ELFN2: variants seen among roughly 807,000 people sequenced by gnomAD.
The protein encoded by ELFN2 is protein phosphatase 1 regulatory subunit 29.
Under a neutral mutation model 45.5 loss-of-function variants are expected in ELFN2, and 17 were observed. The observed-to-expected ratio is 0.37, with a 90% CI of 0.26 to 0.56. The LOEUF (loss-of-function observed/expected upper bound fraction) is 0.56. ELFN2 is among the 20% of genes least tolerant of loss of function. The pLI is 0.77. For missense variants in ELFN2, 922 were observed against 1,183.2 expected, an observed-to-expected ratio of 0.78 and a Z score of 3.24; for synonymous variants, 550 against 551.5, an observed-to-expected ratio of 1.00 and a Z score of 0.04.
intron 2 of ELFN2, among the ~76,000 whole-genome samples, chr22:37,388,493 G>C (rs956397957): frequency 6.6e-6 from 1 of 152,182 alleles, no homozygotes; most frequent in East Asian, 1.9e-4. Flanking sequence ...GGAAATCGAG[G>C]CTCCAAGTAA....
At chr22:37,391,860 CCT>C (rs945711758) in intron 2 of ELFN2, among the ~76,000 whole-genome samples, 1 of 152,230 alleles carries the variant, frequency 6.6e-6, no homozygotes, top group African/African-American at 2.4e-5. Flanking sequence ...GGTCCCACAT[CCT>C]CTGAGACTCA....
intron 2 of ELFN2, among the ~76,000 whole-genome samples, chr22:37,406,086 G>A (rs1310638541): frequency 1.3e-5 from 2 of 152,148 alleles, no homozygotes; most frequent in Admixed American, 6.5e-5. Context: ...AGGCTGCAAT[G>A]AGCCACGATT....
chr22:37,341,645 G>T (rs1011721412), intron 2 of ELFN2, among the ~76,000 whole-genome samples: 1 of 152,170 alleles, frequency 6.6e-6, no homozygotes, highest in Admixed American at 6.5e-5. Flanking sequence ...AATCTCTTGG[G>T]TGCTATTTGG....
Position 37,373,384 on chromosome 22 carries a change from G to C in ELFN2, c.2151C>G (p.Tyr717Ter). The C allele has an allele frequency of 6.2e-7, 1 of 1,609,454 alleles. No individual in the cohort carries two copies. ...EHRHSFPALY[Y>*]EEGADSLSQR... ...GGCTCAGGCTGTCGGCACCCTCCTCGTAGTACAGGGCGGGAAAGCTGTGCC... is the reference window on the plus strand; with the variant it reads ...GGCTCAGGCTGTCGGCACCCTCCTCCTAGTACAGGGCGGGAAAGCTGTGCC... Residue 717 changes from tyrosine to a stop codon, truncating the protein, a stop_gained, in exon 3 of 3, where the codon TAC becomes TAG. Coordinates refer to ENST00000402918, the MANE Select transcript of ELFN2 (RefSeq NM_052906.5). LOFTEE classifies it high-confidence loss of function.
intron 2 of ELFN2, among the ~76,000 whole-genome samples, chr22:37,410,797 C>T (rs901881385): frequency 3.3e-5 from 5 of 152,202 alleles, no homozygotes; most frequent in Non-Finnish European, 7.3e-5. Flanking sequence ...TATGAATGAG[C>T]TGGGATGGAA....
intron 1 of ELFN2, among the ~76,000 whole-genome samples, chr22:37,361,527 C>A (rs1296533759): frequency 6.6e-6 from 1 of 152,036 alleles, no homozygotes; most frequent in Non-Finnish European, 1.5e-5. Context: ...CTGCTCCTGC[C>A]CAGACACAAA....
intron 2 of ELFN2, among the ~76,000 whole-genome samples, chr22:37,410,815 G>A (rs1398262759): frequency 5.3e-5 from 8 of 152,164 alleles, no homozygotes; most frequent in East Asian, 3.9e-4. Flanking sequence ...GAACCCACGC[G>A]TCTACTCCAA....
chr22:37,420,857 C>G (rs1250721197), intron 1 of ELFN2, among the ~76,000 whole-genome samples: 1 of 152,186 alleles, frequency 6.6e-6, no homozygotes, highest in East Asian at 1.9e-4. Context: ...TCTCTGAGCT[C>G]AAGCTCCTCC....
At chr22:37,414,136 T>C (rs2899290) in intron 2 of ELFN2, among the ~76,000 whole-genome samples, 30,944 of 152,094 alleles carry the variant, frequency 0.2, 4,598 homozygotes, top group African/African-American at 0.42. Context: ...CAGGCCCCAT[T>C]CAAGGTACTT....
rs1044411108 is a variant in ELFN2 at position 37,372,884 on chromosome 22, C to T, written c.*188G>A. 6.6e-6 allele frequency: 4 copies of T among 607,108 alleles called. No individual in the cohort carries two copies. The highest frequency in any genetic ancestry group is 5.6e-6 in the Non-Finnish European group (2 of 355,078). 37.6% of individuals were successfully genotyped at this position (607,108 alleles called of 1,614,324 possible). A position where few individuals can be genotyped will look rare whatever the true frequency, so the allele number is the denominator to read the frequency against. On this transcript the variant is annotated 3_prime_UTR_variant, in exon 3 of 3. Transcript: ENST00000402918. The surrounding 1 kb of genome is among the most constrained non-coding windows in gnomAD (Gnocchi z 4.4). ...TCTCTGTTTTCCTGTCCGTTATTGT[C>T]GGATGTTGGTTTGTTCACAGTCGGG...
chr22:37,343,767 C>T (rs1162320241), intron 1 of ELFN2, among the ~76,000 whole-genome samples: 1 of 150,658 alleles, frequency 6.6e-6, no homozygotes, highest in African/African-American at 2.4e-5. Context: ...CACCTCAGTC[C>T]CTCCAGCCCT....
intron 1 of ELFN2, among the ~76,000 whole-genome samples, chr22:37,361,296 G>C (rs1194741562): frequency 6.6e-6 from 1 of 152,132 alleles, no homozygotes; most frequent in Non-Finnish European, 1.5e-5. Context: ...GCAAAAGGAA[G>C]ACACTCCAAA....
At chr22:37,356,827 A>G (rs1715365882) in intron 1 of ELFN2, among the ~76,000 whole-genome samples, 1 of 152,226 alleles carries the variant, frequency 6.6e-6, no homozygotes, top group South Asian at 2.1e-4. Flanking sequence ...ACAGCACTAC[A>G]CTGTCTCTAA....
chr22:37,362,579 A>G (rs767464221), intron 1 of ELFN2, among the ~76,000 whole-genome samples: 4 of 152,210 alleles, frequency 2.6e-5, no homozygotes, highest in Non-Finnish European at 4.4e-5. Context: ...GCCATGCCCG[A>G]TCTGGGACTC....
At chr22:37,377,082 C>T (rs1268747533) in intron 2 of ELFN2, among the ~76,000 whole-genome samples, 2 of 152,258 alleles carry the variant, frequency 1.3e-5, no homozygotes, top group African/African-American at 4.8e-5. Context: ...TTCTGGCCCA[C>T]TTGATGGGGG....
At chr22:37,389,540 G>T (rs1932040384) in intron 2 of ELFN2, among the ~76,000 whole-genome samples, 1 of 151,950 alleles carries the variant, frequency 6.6e-6, no homozygotes, top group Non-Finnish European at 1.5e-5. Context: ...CCCCTGCTAT[G>T]CCCCCACAAC....
chr22:37,365,009 G>A (rs1569128935), downstream of ELFN2, among the ~76,000 whole-genome samples: 7 of 152,212 alleles, frequency 4.6e-5, no homozygotes, highest in Admixed American at 3.9e-4. Context: ...CAGAGGAGCA[G>A]GTGGGGCAGG....
intron 2 of ELFN2, among the ~76,000 whole-genome samples, chr22:37,405,114 A>G (rs762854360): frequency 4.9e-4 from 21 of 43,022 alleles, no homozygotes; most frequent in Non-Finnish European, 8.4e-4. Context: ...TTTTTTTTTG[A>G]GACGGAGTCT....
chr22:37,419,045 AG>A (rs1375105666), intron 1 of ELFN2: 1 of 150,116 alleles, frequency 6.7e-6, no homozygotes, highest in East Asian at 2.0e-4. Context: ...CCCCGCAGGC[AG>A]GGGCTCACAC....
Sources: allele counts gnomAD v4.1 joint callset (sites outside exome capture counted in the v4.1 genomes callset), GRCh38; gene constraint gnomAD v4.1.1; non-coding constraint Gnocchi (gnomAD v3.1); transcripts MANE v1.5; gene names NCBI Gene and HGNC (gene_info 2026-07-23, HGNC 2026-07-21).